USP32: variants seen among roughly 807,000 people sequenced by gnomAD.
USP32 encodes ubiquitin carboxyl-terminal hydrolase 32.
Under a neutral mutation model 204.8 loss-of-function variants are expected in USP32, and 59 were observed. The ratio of observed to expected loss-of-function variants is 0.29; its 90% CI spans 0.23 to 0.36. The LOEUF is 0.36. Ranked by LOEUF, USP32 falls within the 10% of genes least tolerant of loss-of-function variation. The pLI is 1.00. For synonymous variants in USP32, 517 were observed against 678.4 expected (o/e 0.76, Z 3.70); for missense variants, 1,160 against 1,946.4 (o/e 0.60, Z 7.60).
intron 11 of USP32, among the ~76,000 whole-genome samples, chr17:60,250,287 A>G (rs2086134380): frequency 6.6e-6 from 1 of 152,170 alleles, no homozygotes; most frequent in Non-Finnish European, 1.5e-5. Context: ...TTTACAAAGA[A>G]TAACTTTCTA....
At chr17:60,225,358 G>A (rs1270975927) in intron 13 of USP32, among the ~76,000 whole-genome samples, 1 of 152,146 alleles carries the variant, frequency 6.6e-6, no homozygotes, top group African/African-American at 2.4e-5. Context: ...TTAGGAGGCT[G>A]AGGTGGGAGA....
At chr17:60,259,857 T>C (rs1567809613) in intron 9 of USP32, among the ~76,000 whole-genome samples, 1 of 152,242 alleles carries the variant, frequency 6.6e-6, no homozygotes, top group Non-Finnish European at 1.5e-5. Flanking sequence ...TCACATTTAT[T>C]TCAAAGCTTA....
chr17:60,349,310 T>C (rs986631993), intron 1 of USP32, among the ~76,000 whole-genome samples: 2 of 150,892 alleles, frequency 1.3e-5, no homozygotes, highest in Middle Eastern at 7.0e-3. Flanking sequence ...CTGGGCACGA[T>C]AGTTCACACC....
At chr17:60,407,461 C>T (rs1222349637) in intron 1 of USP32, among the ~76,000 whole-genome samples, 1 of 152,102 alleles carries the variant, frequency 6.6e-6, no homozygotes, top group Non-Finnish European at 1.5e-5. Context: ...ACTAAAAGGT[C>T]TAAACTAGGT....
intron 1 of USP32, among the ~76,000 whole-genome samples, chr17:60,390,627 C>CA (rs2089816932): frequency 1.3e-5 from 2 of 152,324 alleles, no homozygotes; most frequent in Middle Eastern, 3.4e-3. Flanking sequence ...ATCTTACTGT[C>CA]AGGTGATGGT....
intron 5 of USP32, among the ~76,000 whole-genome samples, 182 bp downstream of exon 5, chr17:60,288,341 G>A (rs1168422388): frequency 1.5e-4 from 23 of 152,040 alleles, no homozygotes; most frequent in Admixed American, 1.5e-3. Flanking sequence ...TTGGGAGGAT[G>A]AGGTGAGAGG....
chr17:60,319,070 C>T (rs915641204), intron 2 of USP32, among the ~76,000 whole-genome samples: 4 of 151,884 alleles, frequency 2.6e-5, no homozygotes, highest in Admixed American at 1.3e-4. Flanking sequence ...AAGTTGACTG[C>T]GTGTTATGAG....
At chr17:60,312,289 T>G (rs953721371) in intron 2 of USP32, among the ~76,000 whole-genome samples, 3 of 152,176 alleles carry the variant, frequency 2.0e-5, no homozygotes, top group African/African-American at 7.2e-5. Context: ...TTGAAAATAT[T>G]TTTCCAGAGT....
intron 1 of USP32, among the ~76,000 whole-genome samples, chr17:60,397,561 T>C (rs1211335817): frequency 6.6e-6 from 1 of 152,088 alleles, no homozygotes; most frequent in African/African-American, 2.4e-5. Context: ...GGGGTGTTGT[T>C]TTGTTGCCCA....
chr17:60,296,469 C>T (rs960475936), intron 3 of USP32, among the ~76,000 whole-genome samples: 4 of 152,144 alleles, frequency 2.6e-5, no homozygotes, highest in Admixed American at 1.3e-4. Context: ...GATTGTCAGT[C>T]ATCCTAGAAG....
At chr17:60,406,828 TC>T (rs1461882468) in intron 1 of USP32, among the ~76,000 whole-genome samples, 1 of 152,162 alleles carries the variant, frequency 6.6e-6, no homozygotes, top group Admixed American at 6.6e-5. Context: ...TTTCTTTCTT[TC>T]TTTCTTTTTT....
upstream of USP32, among the ~76,000 whole-genome samples, chr17:60,393,177 C>T (rs1446406773): frequency 6.6e-6 from 1 of 152,190 alleles, no homozygotes; most frequent in East Asian, 1.9e-4. Flanking sequence ...AATTTCACTA[C>T]TCTTAAGTAT....
At position 60,239,826 on chromosome 17, in the gene USP32, C is replaced by T. The variant is rs144158255; in HGVS notation, c.1137-3586G>A. On this transcript the variant is annotated intron_variant, in intron 11 of 33. Transcript: ENST00000300896. ...TCAGATCACTACAACCTCCGCCTCCCGGGTTCAAGGGATTCTCCTGCCTCA... is the reference window on the plus strand; with the variant it reads ...TCAGATCACTACAACCTCCGCCTCCTGGGTTCAAGGGATTCTCCTGCCTCA... 1.1e-3 allele frequency among the ~76,000 whole-genome samples: 173 copies of T among 152,300 alleles called. 1 individual carries two copies. The highest frequency in any genetic ancestry group is 3.2e-3 in the African/African-American group (131 of 41,566).
chr17:60,207,881 T>A, intron 24 of USP32, 178 bp downstream of exon 24: 1 of 1,084,728 alleles, frequency 9.2e-7, no homozygotes, highest in Non-Finnish European at 1.3e-6. Context: ...TTTATTCTGG[T>A]AGAAAACTCT....
chr17:60,271,393 A>G lies in USP32; in HGVS notation c.660T>C (p.Phe220=). The part of the protein sequence containing the change: ...SRTGRFDLET[F]GPLVSPPIRP... Reference sequence around the variant, plus strand: ...GAATAGGTGGTGAAACCAATGGGCCAAATGTCTCTAAATCAAATCGTCCAG... The same window carrying G: ...GAATAGGTGGTGAAACCAATGGGCCGAATGTCTCTAAATCAAATCGTCCAG... Residue 220 remains phenylalanine (F), a synonymous_variant, in exon 6 of 34, where the codon TTT becomes TTC. Coordinates refer to ENST00000300896, the MANE Select transcript of USP32 (RefSeq NM_032582.4). 6.2e-7 allele frequency: 1 copy of G among 1,614,174 alleles called. No individual in the cohort carries two copies. Among genetic ancestry groups the G allele is most frequent in the Non-Finnish European group, 8.5e-7 (1 of 1,180,022 alleles).
At chr17:60,409,819 A>G (rs2096816267) in intron 1 of USP32, among the ~76,000 whole-genome samples, 1 of 152,166 alleles carries the variant, frequency 6.6e-6, no homozygotes, top group Non-Finnish European at 1.5e-5. Context: ...CACTAACACT[A>G]ATGATAGCTC....
At chr17:60,251,665 T>C (rs74488736) in intron 11 of USP32, among the ~76,000 whole-genome samples, 9 of 152,338 alleles carry the variant, frequency 5.9e-5, no homozygotes, top group Middle Eastern at 3.4e-3. Flanking sequence ...AATTGGACTA[T>C]AGCTATAAAA....
At chr17:60,363,017 A>G (rs2089240186) in intron 1 of USP32, among the ~76,000 whole-genome samples, 1 of 152,128 alleles carries the variant, frequency 6.6e-6, no homozygotes. Context: ...TTGGCCAGGC[A>G]CAGTGGCTCA....
intron 1 of USP32, among the ~76,000 whole-genome samples, chr17:60,401,325 G>A (rs866436342): frequency 2.6e-5 from 4 of 151,732 alleles, no homozygotes; most frequent in Middle Eastern, 3.2e-3. Flanking sequence ...AGCCGAGATC[G>A]CGCCACTGCA....
Sources: gnomAD v4.1 joint callset for allele counts (sites outside exome capture counted in the v4.1 genomes callset) on GRCh38, gnomAD v4.1.1 for gene constraint, MANE v1.5 for transcripts, NCBI Gene and HGNC (gene_info 2026-07-23, HGNC 2026-07-21) for gene names.